The following RNF125 variants were observed in gnomAD, a reference collection of about 807,000 sequenced individuals.
The protein encoded by RNF125 is E3 ubiquitin-protein ligase RNF125.
RNF125 carries 21 observed loss-of-function variants against 26.0 expected under a neutral mutation model. The ratio of observed to expected loss-of-function variants is 0.81; its 90% CI spans 0.57 to 1.16. The LOEUF (loss-of-function observed/expected upper bound fraction) is 1.16. Among genes scored for constraint, RNF125 ranks in the 50% most tolerant of loss-of-function variants. RNF125 has a pLI of 0.00. For missense variants in RNF125, 270 were observed against 299.4 expected (o/e 0.90, Z 0.72); for synonymous variants, 95 against 109.2 (o/e 0.87, Z 0.81).
chr18:32,037,156 A>G lies in RNF125; in HGVS notation c.205A>G (p.Lys69Glu). 1 of 1,607,256 alleles carries G rather than the reference A, an allele frequency of 6.2e-7. No homozygotes were observed. The highest frequency in any genetic ancestry group is 1.7e-5 in the Admixed American group (1 of 58,204). ...TATTGCTACCAGTCTAAAGAACAAC[A>G]AGTGGACCTGTCCTTATTGCCGGGC... Reference protein sequence around the residue: ...SCIATSLKNNKWTCPYCRAYL... With the variant: ...SCIATSLKNNEWTCPYCRAYL... The change falls in exon 2 of 6, where the codon AAG (lysine) becomes GAG (glutamate). Residue 69 changes from lysine (K) to glutamate (E), a missense_variant. Transcript: ENST00000217740.
the RNF125 span, among the ~76,000 whole-genome samples, chr18:32,083,556 G>C: frequency 6.6e-6 from 1 of 152,156 alleles, no homozygotes; most frequent in Non-Finnish European, 1.5e-5. Context: ...AACTAATCTT[G>C]TTATAGTTTC....
the RNF125 span, among the ~76,000 whole-genome samples, chr18:32,081,691 G>T: frequency 1.3e-3 from 203 of 152,162 alleles, no homozygotes; most frequent in South Asian, 2.9e-3. Flanking sequence ...GAGAGAAAAG[G>T]ATACAATTCA....
downstream of RNF125, among the ~76,000 whole-genome samples, chr18:32,077,167 A>G (rs1203450313): frequency 2.6e-5 from 4 of 152,102 alleles, no homozygotes; most frequent in African/African-American, 9.7e-5. Context: ...ATATATACAC[A>G]TATACATCAT....
At chr18:32,042,147 A>G in intron 2 of RNF125, 32 bp from the exon 3 acceptor site, 1 of 1,500,974 alleles carries the variant, frequency 6.7e-7, no homozygotes, top group Non-Finnish European at 9.2e-7. Flanking sequence ...CTTTTTTAAC[A>G]GTGAGTTTAT....
intron 1 of RNF125, among the ~76,000 whole-genome samples, chr18:32,019,283 C>T (rs77083111): frequency 0.021 from 3,234 of 152,246 alleles, 51 homozygotes; most frequent in Non-Finnish European, 0.034. Context: ...AGCCCAGGTG[C>T]GGAACTCCAG....
At chr18:32,057,057 C>G (rs1436080890) in intron 4 of RNF125, among the ~76,000 whole-genome samples, 2 of 152,180 alleles carry the variant, frequency 1.3e-5, no homozygotes, top group African/African-American at 4.8e-5. Context: ...TGAAGTTTTC[C>G]AGAATGGTAA....
intron 2 of RNF125, among the ~76,000 whole-genome samples, chr18:32,039,777 C>CTT (rs1337442183): frequency 0.045 from 5,579 of 123,374 alleles, 511 homozygotes; most frequent in African/African-American, 0.15. Context: ...CTTTGAGATA[C>CTT]TTTTTTTTTT....
rs542639938 is a variant in RNF125, at chr18:32,025,024, A to G, written c.164+5997A>G. On this transcript the variant is annotated intron_variant, in intron 1 of 5. Coordinates refer to ENST00000217740, the MANE Select transcript of RNF125 (RefSeq NM_017831.4). ...GGTTGCAGTGAGCTGAGATCGCACC[A>G]CTGCACTCCAGCCTGGGTGACAGAT... Among the ~76,000 whole-genome samples, 12 of 152,174 alleles carry G rather than the reference A, an allele frequency of 7.9e-5. No homozygotes were observed. In the East Asian group the frequency reaches 2.3e-3, roughly 30 times the overall value.
intron 1 of RNF125, among the ~76,000 whole-genome samples, chr18:32,028,795 C>T (rs978796891): frequency 3.3e-5 from 5 of 152,054 alleles, no homozygotes; most frequent in African/African-American, 1.2e-4. Flanking sequence ...CTCAAGTGAT[C>T]TGCCCACCTC....
intron 1 of RNF125, among the ~76,000 whole-genome samples, chr18:32,022,167 T>C (rs1190525237): frequency 1.3e-5 from 2 of 152,260 alleles, no homozygotes; most frequent in Admixed American, 6.5e-5. Context: ...ATATTGAAGC[T>C]ACATTTTCAG....
chr18:32,047,310 T>TATA (rs1489342662), intron 4 of RNF125, among the ~76,000 whole-genome samples: 10 of 152,348 alleles, frequency 6.6e-5, no homozygotes, highest in African/African-American at 2.4e-4. Context: ...AGGCTGGGAT[T>TATA]ACAGGTGTGA....
intron 1 of RNF125, among the ~76,000 whole-genome samples, chr18:32,029,136 CT>C (rs2039068239): frequency 6.6e-6 from 1 of 152,072 alleles, no homozygotes; most frequent in Non-Finnish European, 1.5e-5. Context: ...TAGCTTAGTT[CT>C]TTTTCCTTTG....
At position 32,070,261 on chromosome 18, in the gene RNF125, C is replaced by T. The variant is rs919138492; in HGVS notation, c.*1877C>T. The T allele has an allele frequency of 6.6e-6, 1 of 152,230 alleles. No homozygotes were observed. Among genetic ancestry groups the T allele is most frequent in the African/African-American group, 2.4e-5 (1 of 41,440 alleles). 9.4% of individuals were successfully genotyped at this position (152,230 alleles called of 1,614,324 possible). ...CCATAATGGTCAGGCTGGTCTTGAA[C>T]TCCTGAACTCAAGTGATCCACCAGC... On this transcript the variant is annotated 3_prime_UTR_variant, in exon 6 of 6. Coordinates refer to ENST00000217740, the MANE Select transcript of RNF125 (RefSeq NM_017831.4).
At chr18:32,062,022 G>T (rs1023803314) in intron 4 of RNF125, among the ~76,000 whole-genome samples, 9 of 152,178 alleles carry the variant, frequency 5.9e-5, no homozygotes, top group African/African-American at 2.2e-4. Flanking sequence ...TTCAAGGACA[G>T]GGATCAAATA....
intron 4 of RNF125, among the ~76,000 whole-genome samples, chr18:32,050,772 G>T (rs2039316087): frequency 6.8e-6 from 1 of 146,328 alleles, no homozygotes. Flanking sequence ...TAACATTAAT[G>T]AGACCACTTT....
At chr18:32,027,185 G>T (rs1483383829) in intron 1 of RNF125, among the ~76,000 whole-genome samples, 3 of 150,880 alleles carry the variant, frequency 2.0e-5, no homozygotes, top group African/African-American at 7.3e-5. Context: ...GGCTGCAGTG[G>T]TGAAAGTGCA....
At chr18:32,033,228 AC>A (rs1226743634) in intron 1 of RNF125, among the ~76,000 whole-genome samples, 1 of 152,148 alleles carries the variant, frequency 6.6e-6, no homozygotes. Context: ...GTTTTTCCAT[AC>A]CACAAGGCTG....
intron 4 of RNF125, among the ~76,000 whole-genome samples, chr18:32,063,479 TA>T (rs1210393094): frequency 6.6e-6 from 1 of 152,174 alleles, no homozygotes; most frequent in Non-Finnish European, 1.5e-5. Flanking sequence ...GGTGGGAATG[TA>T]AAATAGTACA....
chr18:32,083,492 C>G, the RNF125 span, among the ~76,000 whole-genome samples: 19 of 152,106 alleles, frequency 1.2e-4, no homozygotes, highest in Non-Finnish European at 2.6e-4. Context: ...AAAATGTAGG[C>G]TTTGTTTGCT....
Sources: gnomAD v4.1 joint callset for allele counts (sites outside exome capture counted in the v4.1 genomes callset) on GRCh38, gnomAD v4.1.1 for gene constraint, MANE v1.5 for transcripts, NCBI Gene and HGNC (gene_info 2026-07-23, HGNC 2026-07-21) for gene names.